DIS3L2: variants seen among roughly 807,000 people sequenced by gnomAD.
DIS3L2 encodes the protein DIS3-like exonuclease 2.
In DIS3L2, 34 loss-of-function variants were observed where a neutral mutation model predicts 97.5. The observed-to-expected ratio is 0.35, with a 90% CI of 0.27 to 0.46. DIS3L2 has a LOEUF of 0.46. Among genes scored for constraint, DIS3L2 ranks in the 20% least tolerant of loss-of-function variants. DIS3L2 has a pLI of 1.00. For missense variants in DIS3L2, 1,038 were observed against 1,146.0 expected (o/e 0.91, Z 1.36); for synonymous variants, 435 against 445.2 (o/e 0.98, Z 0.29).
In DIS3L2 at chr2:232,073,926, G is replaced by A. The variant is rs551518944; in HGVS notation, c.367-13561G>A. The stretch of plus-strand genomic sequence containing the variant: ...GAGATTTCCAGCTTTCTGAGTGACA[G>A]ATTGCTACTTCACAACTCTGGAAAG... On this transcript the variant is annotated intron_variant, in intron 5 of 20. Coordinates refer to ENST00000325385, the MANE Select transcript of DIS3L2 (RefSeq NM_152383.5). Among the ~76,000 whole-genome samples the A allele has an allele frequency of 1.9e-4, 29 of 152,306 alleles. 1 individual carries two copies. In the South Asian group the frequency reaches 5.8e-3, roughly 30 times the overall value.
At chr2:232,332,736 C>T (rs886897353) in intron 16 of DIS3L2, among the ~76,000 whole-genome samples, 4 of 152,136 alleles carry the variant, frequency 2.6e-5, no homozygotes, top group African/African-American at 4.8e-5. Context: ...CGAGAAGGGC[C>T]GAGGCTGGCA....
Position 232,128,976 on chromosome 2 carries a change from G to A in DIS3L2, c.602-1643G>A, listed in dbSNP as rs534351297. Among the ~76,000 whole-genome samples, 10 of 152,270 alleles carry A rather than the reference G, an allele frequency of 6.6e-5. No individual in the cohort carries two copies. The South Asian group carries it at 2.1e-3, about 32-fold the overall frequency. On this transcript the variant is annotated intron_variant, in intron 6 of 20. Transcript: ENST00000325385. The stretch of plus-strand genomic sequence containing the variant: ...TCCTTCTGAATATAGAACCTGAAAA[G>A]GTCATGTTCAGGTCTGATAGAAAAT...
intron 12 of DIS3L2, among the ~76,000 whole-genome samples, chr2:232,261,643 C>T (rs1338361667): frequency 1.3e-5 from 2 of 152,186 alleles, no homozygotes; most frequent in African/African-American, 4.8e-5. Context: ...ATGCCTTAAA[C>T]CTTTGCAGTG....
intron 6 of DIS3L2, among the ~76,000 whole-genome samples, chr2:232,099,950 C>CT (rs1195026582): frequency 6.6e-6 from 1 of 152,088 alleles, no homozygotes; most frequent in Non-Finnish European, 1.5e-5. Flanking sequence ...TTTGAATCTT[C>CT]TTTTTTCTTT....
chr2:232,026,072 T>G (rs1694647904), intron 4 of DIS3L2, among the ~76,000 whole-genome samples: 1 of 152,080 alleles, frequency 6.6e-6, no homozygotes, highest in Admixed American at 6.6e-5. Flanking sequence ...TTTTGAAAAT[T>G]TTGCTGCTTC....
chr2:232,203,240 G>A (rs993732605), intron 9 of DIS3L2, among the ~76,000 whole-genome samples: 3 of 151,582 alleles, frequency 2.0e-5, no homozygotes, highest in Non-Finnish European at 4.4e-5. Flanking sequence ...CTTCATCATT[G>A]ACCCAGATCC....
At chr2:232,240,360 G>A (rs1046462672) in intron 11 of DIS3L2, among the ~76,000 whole-genome samples, 1 of 152,218 alleles carries the variant, frequency 6.6e-6, no homozygotes, top group African/African-American at 2.4e-5. Context: ...CATCCCAGAA[G>A]TGAGAATAGT....
At chr2:231,973,582 G>T (rs1294986244) in intron 1 of DIS3L2, among the ~76,000 whole-genome samples, 1 of 151,968 alleles carries the variant, frequency 6.6e-6, no homozygotes, top group African/African-American at 2.4e-5. Flanking sequence ...ATAGAGACAG[G>T]GTCTCACTGT....
intron 8 of DIS3L2, among the ~76,000 whole-genome samples, chr2:232,140,154 G>C (rs906581309): frequency 6.6e-6 from 1 of 152,054 alleles, no homozygotes; most frequent in South Asian, 2.1e-4. Context: ...CCTAACAGTG[G>C]CTTTCTCCTT....
At chr2:231,982,999 A>G (rs1172794515) in intron 1 of DIS3L2, among the ~76,000 whole-genome samples, 2 of 152,084 alleles carry the variant, frequency 1.3e-5, no homozygotes, top group Non-Finnish European at 2.9e-5. Flanking sequence ...TTTTAAAGAT[A>G]ATTTTTGGTA....
chr2:232,033,771 T>C (rs1694876456), intron 5 of DIS3L2, among the ~76,000 whole-genome samples: 1 of 152,224 alleles, frequency 6.6e-6, no homozygotes, highest in African/African-American at 2.4e-5. Context: ...GGATTACATT[T>C]ATTGATTTGA....
chr2:232,294,118 C>T (rs887828198), intron 13 of DIS3L2, among the ~76,000 whole-genome samples: 2 of 152,214 alleles, frequency 1.3e-5, no homozygotes, highest in African/African-American at 4.8e-5. Context: ...TGACCAGAAG[C>T]ACTCAACAAG....
At chr2:232,136,767 G>C (rs568422819) in intron 8 of DIS3L2, 48 bp downstream of exon 8, 1 of 1,588,776 alleles carries the variant, frequency 6.3e-7, no homozygotes, top group Admixed American at 1.8e-5. Context: ...GCAGAACTCA[G>C]TTTAGGTGGT....
At chr2:232,023,921 C>T (rs1416292496) in intron 3 of DIS3L2, among the ~76,000 whole-genome samples, 2 of 152,072 alleles carry the variant, frequency 1.3e-5, no homozygotes, top group African/African-American at 4.8e-5. Flanking sequence ...TAGTGAGGCA[C>T]AATCCCTAGG....
chr2:232,111,084 A>G (rs1268917438), intron 6 of DIS3L2: 2 of 385,936 alleles, frequency 5.2e-6, no homozygotes, highest in African/African-American at 4.3e-5. Flanking sequence ...AGTTGTTACT[A>G]AAAATACTTC....
chr2:232,174,837 T>G (rs899422476), intron 9 of DIS3L2, among the ~76,000 whole-genome samples: 2 of 143,450 alleles, frequency 1.4e-5, no homozygotes, highest in African/African-American at 5.0e-5. Context: ...AGTCATTCAG[T>G]TTTTTTTTTG....
rs766049780 is a variant in DIS3L2, at chr2:232,030,051, G to C, written c.337G>C (p.Val113Leu). The change falls in exon 5 of 21, where the codon GTG (valine) becomes CTG (leucine). Residue 113 changes from valine to leucine, a missense_variant. Physicochemically the swap from Val to Leu is conservative, Grantham distance 32. This residue lies in a region of DIS3L2 where 813 missense variants were observed against 880.1 expected (regional missense o/e 0.92). Coordinates refer to ENST00000325385, the MANE Select transcript of DIS3L2 (RefSeq NM_152383.5). ...NRALNGDLVV[V>L]KLLPEEHWKV... Reference sequence around the variant, plus strand: ...AGCCTTAAATGGGGATCTGGTGGTCGTGAAACTGCTTCCCGAGGAGCATTG... The same window carrying C: ...AGCCTTAAATGGGGATCTGGTGGTCCTGAAACTGCTTCCCGAGGAGCATTG... 1.2e-5 allele frequency: 20 copies of C among 1,610,712 alleles called. No individual in the cohort carries two copies. Among genetic ancestry groups the C allele is most frequent in the East Asian group, 2.2e-5 (1 of 44,648 alleles).
At chr2:232,105,694 A>G (rs1697338444) in intron 6 of DIS3L2, among the ~76,000 whole-genome samples, 1 of 152,218 alleles carries the variant, frequency 6.6e-6, no homozygotes, top group Non-Finnish European at 1.5e-5. Flanking sequence ...CCTTGCTAAC[A>G]CTTTTAGCAC....
intron 10 of DIS3L2, 66 bp downstream of exon 10, chr2:232,210,471 G>C (rs1692158581): frequency 7.2e-7 from 1 of 1,390,112 alleles, no homozygotes; most frequent in Non-Finnish European, 1.0e-6. Flanking sequence ...GGTTAGCCTG[G>C]CTGCCCTGTG....
Sources: gnomAD v4.1 joint callset for allele counts (sites outside exome capture counted in the v4.1 genomes callset) on GRCh38, gnomAD v4.1.1 for gene constraint, gnomAD v4.1.1 regional missense constraint, MANE v1.5 for transcripts, NCBI Gene and HGNC (gene_info 2026-07-23, HGNC 2026-07-21) for gene names.